Variants in MYB observed in about 807,000 individuals in gnomAD.
The protein encoded by MYB is transcriptional activator Myb.
Under a neutral mutation model 92.9 loss-of-function variants are expected in MYB, and 28 were observed. The observed-to-expected ratio is 0.30, with a 90% CI of 0.22 to 0.41. The LOEUF (loss-of-function observed/expected upper bound fraction) is 0.41. Ranked by LOEUF, MYB falls within the 10% of genes least tolerant of loss-of-function variation. The pLI, the probability that MYB is intolerant of heterozygous loss-of-function variation, is 1.00. For missense variants in MYB, 679 were observed against 929.3 expected (o/e 0.73, Z 3.50); for synonymous variants, 295 against 329.1 (o/e 0.90, Z 1.12).
At position 135,198,956 on chromosome 6, in the gene MYB, T is replaced by C. The variant is rs763451124; in HGVS notation, c.1615T>C (p.Ser539Pro). 100 of 1,611,412 alleles carry C rather than the reference T, an allele frequency of 6.2e-5. No homozygotes were observed. The highest frequency in any genetic ancestry group is 7.8e-5 in the Non-Finnish European group (92 of 1,177,922). Residue 539 changes from serine to proline, a missense_variant, in exon 11 of 16, where the codon TCT (serine) becomes CCT (proline). Around this residue, in one of 8 missense-constraint regions of MYB, gnomAD observed 402 missense variants for 434.2 expected, o/e 0.93. Coordinates refer to ENST00000341911, the MANE Select transcript of MYB (RefSeq NM_001130173.2). ...NHENSDLEMPSLTSTPLIGHK... is the reference protein window; with the variant it reads ...NHENSDLEMPPLTSTPLIGHK... ...TGAAAACTCAGACTTGGAAATGCCT[T>C]CTTTAACTTCCACCCCCCTCATTGG...
chr6:135,193,778 G>A (rs1776931436), intron 6 of MYB, 60 bp from the exon 7 acceptor site: 1 of 1,166,692 alleles, frequency 8.6e-7, no homozygotes, highest in South Asian at 1.4e-5. Context: ...AGGAAGCCAA[G>A]TCCCCTGAAG....
In MYB at chr6:135,218,375, A is replaced by G; in HGVS notation, c.*395A>G. ...CTCCAGTATTTCACTTTTCTCGATCACTAAACATATGCATATATTTTTAAA... is the reference window on the plus strand; with the variant it reads ...CTCCAGTATTTCACTTTTCTCGATCGCTAAACATATGCATATATTTTTAAA... On this transcript the variant is annotated 3_prime_UTR_variant, in exon 16 of 16. Coordinates refer to ENST00000341911, the MANE Select transcript of MYB (RefSeq NM_001130173.2). 4.1e-6 allele frequency: 1 copy of G among 243,776 alleles called. No individual in the cohort carries two copies. Among genetic ancestry groups the G allele is most frequent in the Non-Finnish European group, 8.0e-6 (1 of 125,056 alleles). 15.1% of individuals were successfully genotyped at this position (243,776 alleles called of 1,614,324 possible).
intron 1 of MYB, 110 bp from the exon 2 acceptor site, chr6:135,185,793 C>T (rs959757163): frequency 2.3e-6 from 2 of 880,982 alleles, no homozygotes; most frequent in Non-Finnish European, 3.7e-6. Flanking sequence ...AAAGTTTTGT[C>T]TTCATAACCT....
At position 135,190,996 on chromosome 6, in the gene MYB, G is replaced by A. The variant is rs752304367; in HGVS notation, c.527+649G>A. On this transcript the variant is annotated intron_variant, in intron 5 of 15. Coordinates refer to ENST00000341911, the MANE Select transcript of MYB (RefSeq NM_001130173.2). The surrounding 1 kb of genome is among the most constrained non-coding windows in gnomAD (Gnocchi z 4.5). ...ATATTTTTTGTAGAGATGGAATCCTGCTATGTTACCCAGGCTGGTATCAAA... is the reference window on the plus strand; with the variant it reads ...ATATTTTTTGTAGAGATGGAATCCTACTATGTTACCCAGGCTGGTATCAAA... Among the ~76,000 whole-genome samples the A allele has an allele frequency of 1.2e-4, 19 of 152,172 alleles. No homozygotes were observed. Among genetic ancestry groups the A allele is most frequent in the Non-Finnish European group, 2.1e-4 (14 of 67,982 alleles).
At chr6:135,197,380 A>G (rs1460931740) in intron 10 of MYB, 57 bp downstream of exon 10, 4 of 1,374,928 alleles carry the variant, frequency 2.9e-6, no homozygotes, top group Non-Finnish European at 4.0e-6. Context: ...CTGAGCCTTA[A>G]TAATCTAGAA....
chr6:135,199,486 A>G, intron 11 of MYB: 1 of 691,866 alleles, frequency 1.4e-6, no homozygotes, highest in Non-Finnish European at 1.9e-6. Context: ...TTTAGTTTGT[A>G]TTTTTTAATC....
intron 15 of MYB, among the ~76,000 whole-genome samples, chr6:135,205,528 A>T (rs1211636936): frequency 6.6e-6 from 1 of 152,208 alleles, no homozygotes; most frequent in Non-Finnish European, 1.5e-5. Context: ...AATATTGGTT[A>T]TCTTTGAAAC....
intron 15 of MYB, among the ~76,000 whole-genome samples, chr6:135,206,823 G>A (rs1779009949): frequency 6.6e-6 from 1 of 152,142 alleles, no homozygotes; most frequent in South Asian, 2.1e-4. Context: ...ATGAATGAAT[G>A]TTATACACCA....
chr6:135,216,098 G>A (rs1469280735), intron 15 of MYB, among the ~76,000 whole-genome samples: 5 of 152,120 alleles, frequency 3.3e-5, no homozygotes, highest in East Asian at 3.8e-4. Flanking sequence ...GACTGCTAGA[G>A]AGATCAGAGT....
chr6:135,214,118 T>A (rs576108465), intron 15 of MYB, among the ~76,000 whole-genome samples: 12 of 151,774 alleles, frequency 7.9e-5, no homozygotes, highest in South Asian at 2.1e-4. Flanking sequence ...CTACAAAAAA[T>A]TTTTTTTAAA....
chr6:135,211,975 T>C (rs1779764458), intron 15 of MYB, among the ~76,000 whole-genome samples: 1 of 152,214 alleles, frequency 6.6e-6, no homozygotes, highest in African/African-American at 2.4e-5. Context: ...TCTCTGACTT[T>C]CCAAAGACAA....
chr6:135,207,036 G>C (rs1008153867), intron 15 of MYB, among the ~76,000 whole-genome samples: 1 of 151,944 alleles, frequency 6.6e-6, no homozygotes, highest in African/African-American at 2.4e-5. Context: ...TGGTAATTTT[G>C]TTTGTTTGAA....
In MYB at chr6:135,181,800, A is replaced by G. The variant is rs916440490; in HGVS notation, c.23+264A>G. On this transcript the variant is annotated intron_variant, in intron 1 of 15. Coordinates refer to ENST00000341911, the MANE Select transcript of MYB (RefSeq NM_001130173.2). This position sits in a 1 kb window ranked among gnomAD's most constrained non-coding sequence, Gnocchi z 5.3. ...GTTGCATGGGGATACATTTTTCTTT[A>G]GGGGGAAAAAGAAAGCACGTTCCAG... is the stretch of plus-strand genomic sequence containing the variant. 6.6e-6 allele frequency among the ~76,000 whole-genome samples: 1 copy of G among 152,156 alleles called. No homozygotes were observed. Among genetic ancestry groups the G allele is most frequent in the African/African-American group, 2.4e-5 (1 of 41,436 alleles).
At chr6:135,194,963 T>C in intron 8 of MYB, 1 of 1,335,450 alleles carries the variant, frequency 7.5e-7, no homozygotes, top group Non-Finnish European at 9.9e-7. Flanking sequence ...GTGAAAGTTA[T>C]GTGGGCCATT....
chr6:135,183,731 C>T (rs1291536897), intron 1 of MYB, among the ~76,000 whole-genome samples: 1 of 152,216 alleles, frequency 6.6e-6, no homozygotes, highest in Non-Finnish European at 1.5e-5. Context: ...GCGTCCTGGC[C>T]CCTTCAGGTC....
rs1036855381 is a variant in MYB, at chr6:135,190,706, C to T, written c.527+359C>T. Among the ~76,000 whole-genome samples the T allele has an allele frequency of 8.5e-5, 13 of 152,228 alleles. No individual in the cohort carries two copies. The highest frequency in any genetic ancestry group is 2.9e-4 in the African/African-American group (12 of 41,464). On this transcript the variant is annotated intron_variant, in intron 5 of 15. Coordinates refer to ENST00000341911, the MANE Select transcript of MYB (RefSeq NM_001130173.2). The surrounding 1 kb of genome is among the most constrained non-coding windows in gnomAD (Gnocchi z 4.5). ...TAGAAAGAAACTGAAGACAGTTTGTCTCTGGCAGTTCACGTAGCTGGTTAA... is the reference window on the plus strand; with the variant it reads ...TAGAAAGAAACTGAAGACAGTTTGTTTCTGGCAGTTCACGTAGCTGGTTAA...
intron 8 of MYB, 37 bp downstream of exon 8, chr6:135,194,497 C>A: frequency 1.4e-6 from 2 of 1,457,908 alleles, no homozygotes; most frequent in Non-Finnish European, 1.9e-6. Flanking sequence ...GAGGGGATAG[C>A]AGCTTTGCCT....
At chr6:135,192,073 A>G (rs1776704256) in intron 5 of MYB, among the ~76,000 whole-genome samples, 1 of 152,218 alleles carries the variant, frequency 6.6e-6, no homozygotes, top group Non-Finnish European at 1.5e-5. Context: ...TACCAAGGAA[A>G]TGGAATGGTT....
Position 135,187,922 on chromosome 6 carries a change from T to C in MYB, c.213+17T>C, listed in dbSNP as rs1381819466. 6.4e-7 allele frequency: 1 copy of C among 1,572,858 alleles called. No homozygotes were observed. The highest frequency in any genetic ancestry group is 1.7e-5 in the Admixed American group (1 of 59,222). On this transcript the variant is annotated intron_variant, in intron 3 of 15. Transcript: ENST00000341911. ...TATCTCCCGGTAAGTTAGTAAGTTTTTCTTATAACGAAAGGAAAGCTTCTC... is the reference window on the plus strand; with the variant it reads ...TATCTCCCGGTAAGTTAGTAAGTTTCTCTTATAACGAAAGGAAAGCTTCTC...
Sources: gnomAD v4.1 joint callset for allele counts (sites outside exome capture counted in the v4.1 genomes callset) on GRCh38, gnomAD v4.1.1 for gene constraint, gnomAD v4.1.1 regional missense constraint, Gnocchi (gnomAD v3.1) non-coding constraint, MANE v1.5 for transcripts, NCBI Gene and HGNC (gene_info 2026-07-23, HGNC 2026-07-21) for gene names.